CTH: variants seen among roughly 807,000 people sequenced by gnomAD.
CTH encodes the protein cystathionine gamma-lyase.
CTH carries 41 observed loss-of-function variants against 50.6 expected under a neutral mutation model. The ratio of observed to expected loss-of-function variants is 0.81; its 90% CI spans 0.63 to 1.05. The LOEUF is 1.05. Among genes scored for constraint, CTH ranks in the 50% least tolerant of loss-of-function variants. CTH has a pLI of 0.00. For missense variants in CTH, 470 were observed against 492.6 expected, an observed-to-expected ratio of 0.95 and a Z score of 0.43; for synonymous variants, 156 against 168.9, an observed-to-expected ratio of 0.92 and a Z score of 0.59.
rs141811189 is a variant in CTH at position 70,427,398 on chromosome 1, G to A, written c.589-2396G>A. Among the ~76,000 whole-genome samples, 183 of 152,212 alleles carry A rather than the reference G, an allele frequency of 1.2e-3. 1 individual carries two copies. The highest frequency in any genetic ancestry group is 4.1e-3 in the African/African-American group (169 of 41,540). ...CTGATTTTATTGAGTTAGGTATTTT[G>A]TACACTGCTTCCCTGGGTTATATAA... is the stretch of plus-strand genomic sequence containing the variant. On this transcript the variant is annotated intron_variant, in intron 5 of 11. Transcript: ENST00000370938.
In CTH at chr1:70,411,329, C is replaced by T; in HGVS notation, c.-87C>T. The T allele has an allele frequency of 7.2e-7, 1 of 1,382,642 alleles. No homozygotes were observed. Among genetic ancestry groups the T allele is most frequent in the Non-Finnish European group, 1.0e-6 (1 of 969,422 alleles). The allele number at this position is 1,382,642 out of a possible 1,614,324, so 85.6% of individuals were successfully genotyped here. A position where few individuals can be genotyped will look rare whatever the true frequency, so the allele number is the denominator to read the frequency against. On this transcript the variant is annotated 5_prime_UTR_variant, in exon 1 of 12. Coordinates refer to ENST00000370938, the MANE Select transcript of CTH (RefSeq NM_001902.6). ...TGCTTTAGCTCCTTCTCGCCTGATC[C>T]TTCTGTCTCTCCCAACCCCGGACAC...
At chr1:70,436,486 T>G (rs1463021809) in intron 10 of CTH, among the ~76,000 whole-genome samples, 2 of 152,176 alleles carry the variant, frequency 1.3e-5, no homozygotes, top group African/African-American at 4.8e-5. Context: ...ACCTAACTAT[T>G]TTTAACTGTA....
In CTH at chr1:70,432,247, T is replaced by C; in HGVS notation, c.877+12T>C. On this transcript the variant is annotated intron_variant, in intron 8 of 11. Transcript: ENST00000370938. Reference sequence around the variant, plus strand: ...GGTTATTTATCCTGGTATGTTAATTTGATTTCTAAGCAGATCTACTAGGAT... The same window carrying C: ...GGTTATTTATCCTGGTATGTTAATTCGATTTCTAAGCAGATCTACTAGGAT... The C allele has an allele frequency of 2.5e-6, 4 of 1,614,080 alleles. No individual in the cohort carries two copies. The highest frequency in any genetic ancestry group is 3.4e-6 in the Non-Finnish European group (4 of 1,179,940).
At chr1:70,421,704 G>A (rs763616468) in intron 4 of CTH, 29 bp downstream of exon 4, 1 of 1,605,132 alleles carries the variant, frequency 6.2e-7, no homozygotes, top group Non-Finnish European at 8.5e-7. Flanking sequence ...AGTTTTGCCT[G>A]TTTTTCCTTC....
At chr1:70,413,622 G>C (rs1387280669) in intron 1 of CTH, among the ~76,000 whole-genome samples, 2 of 151,894 alleles carry the variant, frequency 1.3e-5, no homozygotes, top group East Asian at 3.9e-4. Context: ...TGAAAGTGTA[G>C]CTGCCCAAGC....
intron 8 of CTH, among the ~76,000 whole-genome samples, chr1:70,433,309 T>G (rs1684520950): frequency 6.6e-6 from 1 of 152,146 alleles, no homozygotes; most frequent in African/African-American, 2.4e-5. Context: ...ATATATATTT[T>G]GGATGGAGGG....
intron 1 of CTH, among the ~76,000 whole-genome samples, chr1:70,413,552 C>A (rs1042119628): frequency 6.6e-6 from 1 of 151,576 alleles, no homozygotes; most frequent in East Asian, 2.0e-4. Context: ...GTGTGAGCCA[C>A]GGCGCCCGGC....
At chr1:70,430,213 G>GT (rs1684433632) in intron 6 of CTH, 104 bp from the exon 7 acceptor site, 4 of 736,706 alleles carry the variant, frequency 5.4e-6, no homozygotes, top group Non-Finnish European at 9.5e-6. Flanking sequence ...TTCCCTGAGA[G>GT]TTTTTTCAAG....
chr1:70,428,068 T>C (rs1277058947), intron 5 of CTH, among the ~76,000 whole-genome samples: 1 of 151,280 alleles, frequency 6.6e-6, no homozygotes, highest in African/African-American at 2.4e-5. Flanking sequence ...TGTAAACAAA[T>C]ACATTTTAAG....
At chr1:70,429,273 A>C (rs573290333) in intron 5 of CTH, among the ~76,000 whole-genome samples, 1 of 152,330 alleles carries the variant, frequency 6.6e-6, no homozygotes, top group South Asian at 2.1e-4. Flanking sequence ...TGTGAAACCC[A>C]CACATAGGAA....
intron 9 of CTH, chr1:70,434,822 G>T (rs146965796): frequency 0.019 from 4,590 of 243,188 alleles, 65 homozygotes; most frequent in Non-Finnish European, 0.027. Context: ...GCATGATCTC[G>T]GCTCACTGCA....
chr1:70,423,597 G>GTA (rs1250112692), intron 4 of CTH, among the ~76,000 whole-genome samples: 1 of 151,374 alleles, frequency 6.6e-6, no homozygotes. Flanking sequence ...AAGTAATTCA[G>GTA]TACAATGGCA....
chr1:70,431,965 C>T, intron 7 of CTH, 118 bp from the exon 8 acceptor site: 1 of 1,019,230 alleles, frequency 9.8e-7, no homozygotes, highest in Non-Finnish European at 1.5e-6. Context: ...CCTCCTAGAA[C>T]TCAAACATTG....
intron 9 of CTH, 64 bp downstream of exon 9, chr1:70,434,013 C>A: frequency 2.1e-5 from 34 of 1,604,408 alleles, no homozygotes; most frequent in Non-Finnish European, 2.9e-5. Context: ...CACTATCTCT[C>A]ACTTCTACTC....
chr1:70,412,132 T>C (rs1683979596), intron 1 of CTH, among the ~76,000 whole-genome samples: 1 of 152,206 alleles, frequency 6.6e-6, no homozygotes, highest in South Asian at 2.1e-4. Context: ...AGCTGAGATT[T>C]AGGGAGTTAA....
At position 70,418,048 on chromosome 1, in the gene CTH, C is replaced by G; in HGVS notation, c.346+16C>G. On this transcript the variant is annotated intron_variant, in intron 3 of 11. Transcript: ENST00000370938. ...GTGTATGGAGGTAGGTGACCCCTCT[C>G]ATTTATATTCTGTAAACTTGTATTT... The G allele has an allele frequency of 3.1e-6, 5 of 1,612,510 alleles. No individual in the cohort carries two copies. Among genetic ancestry groups the G allele is most frequent in the Non-Finnish European group, 4.2e-6 (5 of 1,178,628 alleles).
chr1:70,430,188 A>G, intron 6 of CTH, 129 bp from the exon 7 acceptor site: 2 of 680,656 alleles, frequency 2.9e-6, no homozygotes, highest in Admixed American at 4.6e-5. Flanking sequence ...ACTTAAACTT[A>G]TTTTATAGAG....
chr1:70,424,709 G>A lies in CTH; in HGVS notation c.588+293G>A, dbSNP rs145194888. On this transcript the variant is annotated intron_variant, in intron 5 of 11. Coordinates refer to ENST00000370938, the MANE Select transcript of CTH (RefSeq NM_001902.6). ...TGTAATCCCAGCACTTTGGGAGGCC[G>A]AGGCGGGCGGATCAGGAGATCAGGG... Among the ~76,000 whole-genome samples the A allele has an allele frequency of 6.6e-5, 10 of 152,312 alleles. No individual in the cohort carries two copies. The East Asian group carries it at 1.5e-3, about 23-fold the overall frequency.
intron 5 of CTH, among the ~76,000 whole-genome samples, chr1:70,425,857 T>G (rs1684335247): frequency 6.6e-6 from 1 of 152,052 alleles, no homozygotes; most frequent in Admixed American, 6.6e-5. Context: ...ATCACCTCCC[T>G]CCAGGCCCCA....
Sources: gnomAD v4.1 joint callset for allele counts (sites outside exome capture counted in the v4.1 genomes callset) on GRCh38, gnomAD v4.1.1 for gene constraint, MANE v1.5 for transcripts, NCBI Gene and HGNC (gene_info 2026-07-23, HGNC 2026-07-21) for gene names.